Variants in PACS2 observed in about 807,000 individuals in gnomAD.
PACS2 encodes the protein phosphofurin acidic cluster sorting protein 2, also known as PACS1-like protein.
A neutral mutation model predicts 113.0 loss-of-function variants in PACS2; 36 were observed. That is an observed-to-expected ratio of 0.32 (90% CI 0.24 to 0.42). The LOEUF (loss-of-function observed/expected upper bound fraction) is 0.42. Ranked by LOEUF, PACS2 falls within the 10% of genes least tolerant of loss-of-function variation. PACS2 has a pLI of 1.00. For missense variants in PACS2, 1,015 were observed against 1,239.5 expected (o/e 0.82, Z 2.72); for synonymous variants, 589 against 536.1 (o/e 1.10, Z -1.36).
intron 1 of PACS2, among the ~76,000 whole-genome samples, chr14:105,301,882 A>T (rs879507981): frequency 1.3e-5 from 2 of 152,190 alleles, no homozygotes; most frequent in Non-Finnish European, 2.9e-5. Flanking sequence ...CACGCTTGTA[A>T]TCCCAGCACT....
rs1321059129 is a variant in PACS2, at chr14:105,314,987, C to G, written c.69C>G (p.Asn23Lys). ...CGCTCAACACGCCCGTGCCCATGAA[C>G]CTGTTCGCCACCTGGGAGGTGGACG... ...PGALNTPVPM[N>K]LFATWEVDGS... The change falls in exon 1 of 25, where the codon AAC (asparagine) becomes AAG (lysine). Residue 23 changes from asparagine to lysine, a missense_variant. By Grantham distance (94) the Asn-to-Lys change is moderately conservative. Transcript: ENST00000447393. 8.0e-7 allele frequency: 1 copy of G among 1,250,220 alleles called. No homozygotes were observed. The highest frequency in any genetic ancestry group is 1.0e-6 in the Non-Finnish European group (1 of 975,950). 77.4% of individuals were successfully genotyped at this position (1,250,220 alleles called of 1,614,324 possible).
chr14:105,385,049 C>T lies in PACS2; in HGVS notation c.2000+62C>T, dbSNP rs587648518. The T allele has an allele frequency of 7.5e-4, 773 of 1,033,950 alleles. 7 individuals carry two copies. Among genetic ancestry groups the T allele is most frequent in the Admixed American group, 4.5e-3 (224 of 50,140 alleles). The allele number at this position is 1,033,950 out of a possible 1,614,324, so 64.0% of individuals were successfully genotyped here. A position where few individuals can be genotyped will look rare whatever the true frequency, so the allele number is the denominator to read the frequency against. ...CCGCCAGCCACCAACCCTCCGTGGG[C>T]CTCCCCACCCGCTGCTGGGCTTGGC... On this transcript the variant is annotated intron_variant, in intron 18 of 24. Transcript: ENST00000447393.
In PACS2 at chr14:105,391,446, C is replaced by T. The variant is rs587705979; in HGVS notation, c.2120-185C>T. 3.1e-5 allele frequency: 21 copies of T among 670,136 alleles called. No individual in the cohort carries two copies. In the South Asian group the frequency reaches 3.7e-4, roughly 12 times the overall value. 41.5% of individuals were successfully genotyped at this position (670,136 alleles called of 1,614,324 possible). On this transcript the variant is annotated intron_variant, in intron 21 of 24. Coordinates refer to ENST00000447393, the MANE Select transcript of PACS2 (RefSeq NM_001100913.3). ...TCACAAAGCCCCACATCAAGGCTGG[C>T]AGGGTTGTCTTCCAAAAACCGAGGA...
chr14:105,306,578 T>C (rs1019917072), intron 1 of PACS2, among the ~76,000 whole-genome samples: 3 of 151,626 alleles, frequency 2.0e-5, no homozygotes, highest in Non-Finnish European at 4.4e-5. Context: ...GCTGGGATTA[T>C]AGGCATGAGC....
intron 2 of PACS2, among the ~76,000 whole-genome samples, chr14:105,351,458 G>A (rs2060176535): frequency 6.6e-6 from 1 of 152,078 alleles, no homozygotes; most frequent in Admixed American, 6.5e-5. Flanking sequence ...CCTCATTTTT[G>A]TGACAGCATC....
At chr14:105,351,879 A>G (rs746280348) in intron 2 of PACS2, among the ~76,000 whole-genome samples, 272 of 152,194 alleles carry the variant, frequency 1.8e-3, no homozygotes, top group Non-Finnish European at 3.2e-3. Context: ...GCTTTAAGCC[A>G]AGCATGGAGG....
At chr14:105,326,285 G>A (rs2059103032) in intron 1 of PACS2, among the ~76,000 whole-genome samples, 1 of 152,200 alleles carries the variant, frequency 6.6e-6, no homozygotes, top group South Asian at 2.1e-4. Flanking sequence ...GGTGGGGCGG[G>A]GGCTCCGCAG....
rs1427634566 is a variant in PACS2 at position 105,348,384 on chromosome 14, C to T, written c.120-109C>T. On this transcript the variant is annotated intron_variant, in intron 1 of 24. Transcript: ENST00000447393. The surrounding 1 kb of genome is among the most constrained non-coding windows in gnomAD (Gnocchi z 6.4). ...GCCGCCCAGGCAGTCACACCCCGCC[C>T]TGCACCCCAGGGTGCAGGCTCCCGG... The T allele has an allele frequency of 1.3e-6, 1 of 781,914 alleles. No homozygotes were observed. The highest frequency in any genetic ancestry group is 2.1e-6 in the Non-Finnish European group (1 of 475,578). 48.4% of individuals were successfully genotyped at this position (781,914 alleles called of 1,614,324 possible). A position where few individuals can be genotyped will look rare whatever the true frequency, so the allele number is the denominator to read the frequency against.
chr14:105,389,722 C>T (rs2081292501), intron 19 of PACS2: 1 of 575,832 alleles, frequency 1.7e-6, no homozygotes, highest in Non-Finnish European at 3.1e-6. Flanking sequence ...CCCCTTTGTC[C>T]TTCCAGCATG....
intron 8 of PACS2, among the ~76,000 whole-genome samples, chr14:105,373,102 G>T (rs1462439081): frequency 2.6e-5 from 4 of 152,194 alleles, no homozygotes; most frequent in Non-Finnish European, 4.4e-5. Flanking sequence ...GTGGAAAGAT[G>T]TCATATGTTC....
At position 105,384,999 on chromosome 14, in the gene PACS2, G is replaced by C; in HGVS notation, c.2000+12G>C. ...TACAAGCAGAAGAGGTAACGCGGTGGGCCCAGGCACCATACCACAGGCTGC... is the reference window on the plus strand; with the variant it reads ...TACAAGCAGAAGAGGTAACGCGGTGCGCCCAGGCACCATACCACAGGCTGC... On this transcript the variant is annotated intron_variant, in intron 18 of 24. Coordinates refer to ENST00000447393, the MANE Select transcript of PACS2 (RefSeq NM_001100913.3). 2 of 1,490,396 alleles carry C rather than the reference G, an allele frequency of 1.3e-6. No individual in the cohort carries two copies. The highest frequency in any genetic ancestry group is 1.8e-6 in the Non-Finnish European group (2 of 1,089,734). 92.3% of individuals were successfully genotyped at this position (1,490,396 alleles called of 1,614,324 possible).
intron 18 of PACS2, 66 bp downstream of exon 18, chr14:105,385,053 C>T (rs746587556): frequency 7.9e-6 from 8 of 1,007,808 alleles, no homozygotes; most frequent in Non-Finnish European, 1.2e-5. Flanking sequence ...CGTGGGCCTC[C>T]CCACCCGCTG....
chr14:105,315,129 C>G lies in PACS2; in HGVS notation c.119+92C>G. ...TGCGCGCCCCATCCCCGGCCCGGGT[C>G]CCCCAGCGGAGCCCAGGTCGCCCCC... On this transcript the variant is annotated intron_variant, in intron 1 of 24. Coordinates refer to ENST00000447393, the MANE Select transcript of PACS2 (RefSeq NM_001100913.3). The surrounding 1 kb of genome is among the most constrained non-coding windows in gnomAD (Gnocchi z 4.4). 1 of 798,606 alleles carries G rather than the reference C, an allele frequency of 1.3e-6. No individual in the cohort carries two copies. The highest frequency in any genetic ancestry group is 1.5e-6 in the Non-Finnish European group (1 of 650,130). The allele number at this position is 798,606 out of a possible 1,614,324, so 49.5% of individuals were successfully genotyped here.
At chr14:105,350,926 C>T (rs934241797) in intron 2 of PACS2, among the ~76,000 whole-genome samples, 4 of 152,196 alleles carry the variant, frequency 2.6e-5, no homozygotes, top group African/African-American at 4.8e-5. Context: ...CCTCTTGCCA[C>T]GCTGCACGTG....
chr14:105,308,921 C>T (rs2058269842), intron 1 of PACS2, among the ~76,000 whole-genome samples: 1 of 152,030 alleles, frequency 6.6e-6, no homozygotes, highest in Admixed American at 6.6e-5. Context: ...CTACAGTGAG[C>T]CATGATGGCA....
rs781842867 is a variant in PACS2 at position 105,383,401 on chromosome 14, C to T, written c.1668C>T (p.Ala556=). 30 of 1,608,596 alleles carry T rather than the reference C, an allele frequency of 1.9e-5. No homozygotes were observed. The highest frequency in any genetic ancestry group is 3.3e-5 in the South Asian group (3 of 91,056). Residue 556 remains alanine, a synonymous_variant, in exon 16 of 25, where the codon GCC becomes GCT. Transcript: ENST00000447393. ...NSQPPTPVKI[A]VAGAQHYLSA... ...AGCCCCCGACCCCCGTGAAGATCGC[C>T]GTGGCGGGAGCGCAGCATTACCTCA...
intron 1 of PACS2, among the ~76,000 whole-genome samples, chr14:105,306,853 G>A (rs902883387): frequency 9.2e-5 from 14 of 151,584 alleles, no homozygotes; most frequent in African/African-American, 3.4e-4. Context: ...TGATCCATCT[G>A]CCTTGGCCTC....
chr14:105,331,204 C>T (rs1398969795), intron 1 of PACS2, among the ~76,000 whole-genome samples: 5 of 152,210 alleles, frequency 3.3e-5, no homozygotes, highest in Non-Finnish European at 7.3e-5. Flanking sequence ...ATCTGCCTGC[C>T]TCGGCCTCCC....
intron 2 of PACS2, 84 bp from the exon 3 acceptor site, chr14:105,352,294 A>G (rs1196938951): frequency 3.5e-6 from 3 of 857,964 alleles, no homozygotes; most frequent in African/African-American, 1.7e-5. Flanking sequence ...TGCCAGTTTT[A>G]GAGTGCAGGA....
Sources: gnomAD v4.1 joint callset for allele counts (sites outside exome capture counted in the v4.1 genomes callset) on GRCh38, gnomAD v4.1.1 for gene constraint, Gnocchi (gnomAD v3.1) non-coding constraint, MANE v1.5 for transcripts, NCBI Gene and HGNC (gene_info 2026-07-23, HGNC 2026-07-21) for gene names.